The following CWF19L2 variants were observed in gnomAD, a reference collection of about 807,000 sequenced individuals.
The protein encoded by CWF19L2 is CWF19 like cell cycle control factor 2.
CWF19L2 carries 98 observed loss-of-function variants against 111.7 expected under a neutral mutation model. That is an observed-to-expected ratio of 0.88 (90% CI 0.75 to 1.04). The LOEUF is 1.04. CWF19L2 is among the 50% of genes least tolerant of loss of function. The pLI, the probability that CWF19L2 is intolerant of heterozygous loss-of-function variation, is 0.00. For missense variants in CWF19L2, 1,101 were observed against 1,051.4 expected (o/e 1.05, Z -0.65); for synonymous variants, 351 against 342.9 (o/e 1.02, Z -0.26).
Position 107,353,645 on chromosome 11 carries a change from T to C in CWF19L2, c.1964A>G (p.Glu655Gly). ...AERERLGEEE[E>G]NQRKKAIAEH... ...AGCAATAGCTTTTTTCCTTTGGTTCTCTTCCTCTTCACCAAGACGTTCTCT... is the reference window on the plus strand; with the variant it reads ...AGCAATAGCTTTTTTCCTTTGGTTCCCTTCCTCTTCACCAAGACGTTCTCT... The change falls in exon 13 of 18, where the codon GAG becomes GGG. Residue 655 changes from glutamate (E) to glycine (G), a missense_variant. Glu to Gly is a moderately conservative substitution (Grantham distance 98, BLOSUM62 -2). Coordinates refer to ENST00000282251, the MANE Select transcript of CWF19L2 (RefSeq NM_152434.3). The C allele has an allele frequency of 6.2e-7, 1 of 1,613,854 alleles. No individual in the cohort carries two copies. Among genetic ancestry groups the C allele is most frequent in the Non-Finnish European group, 8.5e-7 (1 of 1,179,776 alleles).
chr11:107,353,776 G>T, intron 12 of CWF19L2, 40 bp from the exon 13 acceptor site: 3 of 1,534,640 alleles, frequency 2.0e-6, no homozygotes, highest in South Asian at 1.1e-5. Context: ...GTAGAAGGTA[G>T]TGATTAAGAT....
chr11:107,373,655 C>T (rs1860550564), intron 12 of CWF19L2, among the ~76,000 whole-genome samples: 1 of 130,172 alleles, frequency 7.7e-6, no homozygotes, highest in African/African-American at 3.0e-5. Flanking sequence ...GTAGATAAAA[C>T]CACAAAGATG....
intron 3 of CWF19L2, among the ~76,000 whole-genome samples, chr11:107,449,912 A>G (rs566595751): frequency 6.6e-6 from 1 of 152,180 alleles, no homozygotes; most frequent in Non-Finnish European, 1.5e-5. Context: ...TTTTCTATAT[A>G]CTGTCGAATA....
At chr11:107,387,461 AC>A (rs766730267) in intron 12 of CWF19L2, among the ~76,000 whole-genome samples, 27,755 of 91,132 alleles carry the variant, frequency 0.3, 2,780 homozygotes, top group African/African-American at 0.41. Context: ...ACAAAACAAA[AC>A]AAAACAAAAA....
chr11:107,448,531 C>T (rs920578637), intron 3 of CWF19L2, among the ~76,000 whole-genome samples: 3 of 151,766 alleles, frequency 2.0e-5, no homozygotes, highest in Non-Finnish European at 4.4e-5. Context: ...AAAAATACTT[C>T]GAAAAAAGCC....
In CWF19L2 at chr11:107,442,789, AGGAAGGGAGGGAGGGAGGGAG is replaced by A. The variant is rs1248815458; in HGVS notation, c.450+129_450+149del. On this transcript the variant is annotated intron_variant, in intron 4 of 17. Transcript: ENST00000282251. ...AAGGAAGGAAGGAAGGAAGGAAGGA[AGGAAGGGAGGGAGGGAGGGAG>A]GGAGGGAGGGGGAGGGAGGGAGAGA... The A allele has an allele frequency of 4.6e-4, 113 of 245,546 alleles. 2 individuals carry two copies. In the African/African-American group the frequency reaches 7.7e-3, roughly 17 times the overall value. The allele number at this position is 245,546 out of a possible 1,614,324, so 15.2% of individuals were successfully genotyped here. A position where few individuals can be genotyped will look rare whatever the true frequency, so the allele number is the denominator to read the frequency against.
intron 3 of CWF19L2, among the ~76,000 whole-genome samples, chr11:107,448,122 G>C (rs921751176): frequency 2.0e-5 from 3 of 152,006 alleles, no homozygotes; most frequent in African/African-American, 7.2e-5. Context: ...GAGGCAGGCA[G>C]ATCACGAGGT....
chr11:107,449,218 A>G (rs1287266739), intron 3 of CWF19L2, among the ~76,000 whole-genome samples: 1 of 151,920 alleles, frequency 6.6e-6, no homozygotes, highest in Non-Finnish European at 1.5e-5. Flanking sequence ...GATTGCTAGT[A>G]GGAACTTCTG....
intron 13 of CWF19L2, 66 bp downstream of exon 13, chr11:107,353,458 T>A (rs896346584): frequency 1.1e-5 from 13 of 1,190,030 alleles, no homozygotes; most frequent in Non-Finnish European, 1.6e-5. Context: ...CTTATTCAAG[T>A]TATTCTATGA....
chr11:107,432,713 A>C (rs1356890316), intron 7 of CWF19L2, among the ~76,000 whole-genome samples: 1 of 152,266 alleles, frequency 6.6e-6, no homozygotes, highest in Non-Finnish European at 1.5e-5. Flanking sequence ...ATGTGATAAA[A>C]GAGATATTTT....
At chr11:107,352,838 A>G (rs1860176699) in intron 13 of CWF19L2, among the ~76,000 whole-genome samples, 1 of 152,174 alleles carries the variant, frequency 6.6e-6, no homozygotes, top group African/African-American at 2.4e-5. Flanking sequence ...TATGTTTCCC[A>G]AACTATTCGT....
intron 10 of CWF19L2, among the ~76,000 whole-genome samples, chr11:107,405,894 T>G (rs576037151): frequency 6.6e-6 from 1 of 150,724 alleles, no homozygotes; most frequent in Admixed American, 6.6e-5. Flanking sequence ...AAATTTTATT[T>G]ATTTACATAA....
At chr11:107,342,622 A>G (rs1323513106) in intron 14 of CWF19L2, among the ~76,000 whole-genome samples, 1 of 152,100 alleles carries the variant, frequency 6.6e-6, no homozygotes, top group Non-Finnish European at 1.5e-5. Flanking sequence ...TGTTAAGTGG[A>G]GTGTTATACA....
chr11:107,444,641 CACTG>C (rs1861676611), intron 3 of CWF19L2, among the ~76,000 whole-genome samples: 2 of 152,172 alleles, frequency 1.3e-5, no homozygotes, highest in East Asian at 1.9e-4. Context: ...ACCAAAGTTT[CACTG>C]ACTAATTGTC....
At chr11:107,393,703 T>A (rs745484158) in intron 10 of CWF19L2, among the ~76,000 whole-genome samples, 1 of 152,096 alleles carries the variant, frequency 6.6e-6, no homozygotes, top group Non-Finnish European at 1.5e-5. Context: ...TACTACACAA[T>A]CACACAAAAA....
chr11:107,436,939 A>G (rs1861549311), intron 6 of CWF19L2, among the ~76,000 whole-genome samples: 1 of 152,202 alleles, frequency 6.6e-6, no homozygotes, highest in African/African-American at 2.4e-5. Flanking sequence ...TAACTGTGCC[A>G]TATAAACTCT....
intron 11 of CWF19L2, among the ~76,000 whole-genome samples, chr11:107,391,844 C>T (rs979428305): frequency 1.9e-4 from 29 of 152,142 alleles, no homozygotes; most frequent in African/African-American, 6.5e-4. Context: ...TAATTTCTGG[C>T]CCTCTTGTCT....
intron 10 of CWF19L2, among the ~76,000 whole-genome samples, chr11:107,415,699 CA>C (rs1212251912): frequency 6.6e-6 from 1 of 152,164 alleles, no homozygotes; most frequent in Non-Finnish European, 1.5e-5. Flanking sequence ...CACCAGAGCA[CA>C]CTGATAGAAT....
At chr11:107,403,775 G>A (rs1861040763) in intron 10 of CWF19L2, 2 of 899,116 alleles carry the variant, frequency 2.2e-6, no homozygotes, top group African/African-American at 1.6e-5. Flanking sequence ...TGCAATCTCA[G>A]CTGCAACTTT....
Sources: gnomAD v4.1 joint callset for allele counts (sites outside exome capture counted in the v4.1 genomes callset) on GRCh38, gnomAD v4.1.1 for gene constraint, MANE v1.5 for transcripts, NCBI Gene and HGNC (gene_info 2026-07-23, HGNC 2026-07-21) for gene names.